The following RIC1 variants were observed in gnomAD, a reference collection of about 807,000 sequenced individuals.
The protein encoded by RIC1 is guanine nucleotide exchange factor subunit RIC1.
A neutral mutation model predicts 169.0 loss-of-function variants in RIC1; 88 were observed. That is an observed-to-expected ratio of 0.52 (90% CI 0.44 to 0.62). RIC1 has a LOEUF of 0.62. Ranked by LOEUF, RIC1 falls within the 20% of genes least tolerant of loss-of-function variation. The pLI is 0.00. For synonymous variants in RIC1, 790 were observed against 601.5 expected (o/e 1.31, Z -4.59); for missense variants, 1,877 against 1,725.5 (o/e 1.09, Z -1.56).
rs574420190 is a variant in RIC1 at position 5,742,811 on chromosome 9, A to C, written c.902-58A>C. ...CAGATTGTATTTGAAAAAAAAAAAA[A>C]AACAAGTATTTCTGAAGCAACTATT... On this transcript the variant is annotated intron_variant, in intron 8 of 25. Transcript: ENST00000414202. The C allele has an allele frequency of 9.5e-6, 14 of 1,474,688 alleles. No homozygotes were observed. The South Asian group carries it at 1.7e-4, about 18-fold the overall frequency. The allele number at this position is 1,474,688 out of a possible 1,614,324, so 91.4% of individuals were successfully genotyped here. A position where few individuals can be genotyped will look rare whatever the true frequency, so the allele number is the denominator to read the frequency against.
chr9:5,637,619 T>A lies in RIC1; in HGVS notation c.144+8166T>A, dbSNP rs375020238. The stretch of plus-strand genomic sequence containing the variant: ...CCCTTCCTATCCCCCCAGTTACCTT[T>A]CTCAGCCTCTGGTAATCATCTTTCC... On this transcript the variant is annotated intron_variant, in intron 1 of 25. Transcript: ENST00000414202. Among the ~76,000 whole-genome samples, 15 of 152,316 alleles carry A rather than the reference T, an allele frequency of 9.8e-5. No homozygotes were observed. The East Asian group carries it at 2.1e-3, about 22-fold the overall frequency.
intron 2 of RIC1, among the ~76,000 whole-genome samples, chr9:5,683,788 C>T (rs1458175433): frequency 1.3e-5 from 2 of 152,242 alleles, no homozygotes; most frequent in Admixed American, 1.3e-4. Flanking sequence ...CTGTGGTGGG[C>T]TCCACCCAGT....
intron 1 of RIC1, among the ~76,000 whole-genome samples, chr9:5,646,027 A>C (rs182861104): frequency 6.7e-6 from 1 of 150,368 alleles, no homozygotes; most frequent in East Asian, 1.9e-4. Context: ...CACAGTGTAC[A>C]TCATTTTACA....
chr9:5,714,532 T>C (rs953446364), intron 4 of RIC1, among the ~76,000 whole-genome samples: 1 of 152,214 alleles, frequency 6.6e-6, no homozygotes, highest in Non-Finnish European at 1.5e-5. Flanking sequence ...TAATTGTTGT[T>C]CCACTATTGA....
chr9:5,733,479 A>G (rs1045512049), intron 7 of RIC1, among the ~76,000 whole-genome samples: 1 of 152,082 alleles, frequency 6.6e-6, no homozygotes, highest in African/African-American at 2.4e-5. Context: ...GTGTTTGGCC[A>G]GGATGGTCTT....
intron 10 of RIC1, among the ~76,000 whole-genome samples, chr9:5,745,507 T>C (rs1040637342): frequency 3.3e-5 from 5 of 152,152 alleles, no homozygotes; most frequent in African/African-American, 9.7e-5. Flanking sequence ...CAATCCAATG[T>C]TTTTTGCTCC....
chr9:5,760,178 C>T (rs1176407891), intron 17 of RIC1, among the ~76,000 whole-genome samples: 2 of 152,164 alleles, frequency 1.3e-5, no homozygotes, highest in Non-Finnish European at 2.9e-5. Context: ...AGAGTGAGCT[C>T]CTTGTTACTG....
intron 2 of RIC1, among the ~76,000 whole-genome samples, chr9:5,665,561 C>T (rs921003550): frequency 3.3e-5 from 5 of 152,168 alleles, no homozygotes; most frequent in Non-Finnish European, 7.3e-5. Context: ...TGATTAATTT[C>T]TTATCTTTGT....
chr9:5,765,217 A>G, intron 19 of RIC1, 197 bp from the exon 20 acceptor site: 1 of 545,308 alleles, frequency 1.8e-6, no homozygotes, highest in Non-Finnish European at 3.2e-6. Flanking sequence ...TAGGAGTTTA[A>G]TAAATTATAG....
intron 2 of RIC1, among the ~76,000 whole-genome samples, chr9:5,670,115 T>C (rs1820004256): frequency 6.6e-6 from 1 of 152,230 alleles, no homozygotes; most frequent in Admixed American, 6.5e-5. Flanking sequence ...CAGGAAATTT[T>C]ACTTTGCCTG....
In RIC1 at chr9:5,651,288, C is replaced by G. The variant is rs375415185; in HGVS notation, c.145-5295C>G. Among the ~76,000 whole-genome samples the G allele has an allele frequency of 2.0e-4, 31 of 152,248 alleles. 1 individual carries two copies. The East Asian group carries it at 5.4e-3, about 27-fold the overall frequency. On this transcript the variant is annotated intron_variant, in intron 1 of 25. Coordinates refer to ENST00000414202, the MANE Select transcript of RIC1 (RefSeq NM_020829.4). ...CTTCCTTGCTTTAGGTGTTTCCTGT[C>G]ACTTCTCTGCTAAATTCCAGTGTTG...
chr9:5,629,375 T>C lies in RIC1; in HGVS notation c.66T>C (p.Pro22=), dbSNP rs1010033703. Residue 22 remains proline (P), a synonymous_variant, in exon 1 of 26, where the codon CCT becomes CCC. Coordinates refer to ENST00000414202, the MANE Select transcript of RIC1 (RefSeq NM_020829.4). ...CTCTGGGGAGCCCGGCCGAGGCGCC[T>C]TTCCACGTTCAGTCCGACCCGCAGA... ...LCPLGSPAEA[P]FHVQSDPQRA... 6.5e-6 allele frequency: 10 copies of C among 1,532,908 alleles called. No individual in the cohort carries two copies. The highest frequency in any genetic ancestry group is 4.8e-5 in the South Asian group (4 of 83,594). The allele number at this position is 1,532,908 out of a possible 1,614,324, so 95.0% of individuals were successfully genotyped here.
rs562622362 is a variant in RIC1 at position 5,747,317 on chromosome 9, G to A, written c.1264G>A (p.Val422Met). 8 of 1,613,998 alleles carry A rather than the reference G, an allele frequency of 5.0e-6. No homozygotes were observed. In the African/African-American group the frequency reaches 6.7e-5, roughly 13 times the overall value. Reference protein sequence around the residue: ...VNPCMSNQEQVLLQGEDRLYL... With the variant: ...VNPCMSNQEQMLLQGEDRLYL... Reference sequence around the variant, plus strand: ...CCTCATTTAGAGTAACCAAGAGCAGGTGTTGCTTCAGGGTGAGGATCGCTT... The same window carrying A: ...CCTCATTTAGAGTAACCAAGAGCAGATGTTGCTTCAGGGTGAGGATCGCTT... Residue 422 changes from valine (V) to methionine (M), a missense_variant, in exon 12 of 26, where the codon GTG (valine) becomes ATG (methionine). By Grantham distance (21) the Val-to-Met change is conservative. This residue lies in a region of RIC1 where 1,104 missense variants were observed against 992.0 expected (regional missense o/e 1.11). Coordinates refer to ENST00000414202, the MANE Select transcript of RIC1 (RefSeq NM_020829.4).
intron 2 of RIC1, among the ~76,000 whole-genome samples, chr9:5,680,429 C>G (rs1184257605): frequency 1.3e-5 from 2 of 152,136 alleles, no homozygotes; most frequent in Non-Finnish European, 2.9e-5. Context: ...CCATCTCTTC[C>G]TTGTACCTCT....
intron 2 of RIC1, among the ~76,000 whole-genome samples, chr9:5,661,930 C>T (rs1301679553): frequency 6.6e-6 from 1 of 152,142 alleles, no homozygotes; most frequent in Non-Finnish European, 1.5e-5. Context: ...GGAATGCTTC[C>T]AGCTTTTGTC....
intron 2 of RIC1, among the ~76,000 whole-genome samples, chr9:5,658,033 C>A (rs1819207232): frequency 6.6e-6 from 1 of 152,090 alleles, no homozygotes; most frequent in Non-Finnish European, 1.5e-5. Context: ...CATTGCTTTG[C>A]TCTTCTGTTC....
At position 5,651,367 on chromosome 9, in the gene RIC1, TG is replaced by T; in HGVS notation, c.145-5215del. Among the ~76,000 whole-genome samples the T allele has an allele frequency of 2.0e-5, 3 of 152,136 alleles. No homozygotes were observed. The Middle Eastern group carries it at 0.01, about 517-fold the overall frequency. ...CTCCTCCCTGTTTGGGTTTTTTTTT[TG>T]TGAAGGAGGCAAGGGCTGATGTCTC... is the stretch of plus-strand genomic sequence containing the variant. On this transcript the variant is annotated intron_variant, in intron 1 of 25. Coordinates refer to ENST00000414202, the MANE Select transcript of RIC1 (RefSeq NM_020829.4).
At chr9:5,771,088 A>G (rs1827185262) in intron 23 of RIC1, among the ~76,000 whole-genome samples, 1 of 152,196 alleles carries the variant, frequency 6.6e-6, no homozygotes, top group African/African-American at 2.4e-5. Flanking sequence ...TACACAATTT[A>G]ACAGCTTAAC....
chr9:5,682,125 G>T (rs182107359), intron 2 of RIC1, among the ~76,000 whole-genome samples: 2,049 of 152,284 alleles, frequency 0.013, 52 homozygotes, highest in African/African-American at 0.046. Flanking sequence ...TTGCCAGTCT[G>T]TGTCTTTTAA....
Sources: allele counts gnomAD v4.1 joint callset (sites outside exome capture counted in the v4.1 genomes callset), GRCh38; gene constraint gnomAD v4.1.1; regional missense constraint gnomAD v4.1.1; transcripts MANE v1.5; gene names NCBI Gene and HGNC (gene_info 2026-07-23, HGNC 2026-07-21).